The following AGBL4 variants were observed in gnomAD, a reference collection of about 807,000 sequenced individuals.
AGBL4 encodes the protein AGBL carboxypeptidase 4.
In AGBL4, 58 loss-of-function variants were observed where a neutral mutation model predicts 66.4. The ratio of observed to expected loss-of-function variants is 0.87; its 90% CI spans 0.71 to 1.09. The LOEUF is 1.09. AGBL4 is among the 50% of genes least tolerant of loss of function. The probability of loss-of-function intolerance (pLI) is 0.00; values close to 1 mark genes in which losing one functional copy is unlikely to be tolerated. For synonymous variants in AGBL4, 234 were observed against 222.9 expected, an observed-to-expected ratio of 1.05 and a Z score of -0.44; for missense variants, 579 against 631.0, an observed-to-expected ratio of 0.92 and a Z score of 0.88.
At chr1:49,494,425 C>T (rs1647343839) in intron 3 of AGBL4, among the ~76,000 whole-genome samples, 4 of 152,094 alleles carry the variant, frequency 2.6e-5, no homozygotes, top group African/African-American at 7.2e-5. Flanking sequence ...TCCCTCCCCT[C>T]TCCCCGCACC....
intron 5 of AGBL4, among the ~76,000 whole-genome samples, chr1:48,869,978 A>G (rs1033337404): frequency 2.0e-5 from 3 of 152,022 alleles, no homozygotes; most frequent in Admixed American, 6.6e-5. Context: ...CTAGTCCCCA[A>G]ATCCACAGAC....
chr1:48,585,504 G>A (rs1644804613), intron 11 of AGBL4: 2 of 152,294 alleles, frequency 1.3e-5, no homozygotes, highest in Non-Finnish European at 2.9e-5. Flanking sequence ...GGCATGAAGA[G>A]GGGCAATGTG....
intron 1 of AGBL4, among the ~76,000 whole-genome samples, chr1:49,937,150 C>T (rs1261400295): frequency 6.6e-6 from 1 of 151,830 alleles, no homozygotes; most frequent in East Asian, 1.9e-4. Flanking sequence ...GGAAGATCTA[C>T]CAAGCAAATG....
At chr1:49,226,021 G>A (rs1367419110) in intron 4 of AGBL4, among the ~76,000 whole-genome samples, 1 of 152,166 alleles carries the variant, frequency 6.6e-6, no homozygotes, top group Non-Finnish European at 1.5e-5. Flanking sequence ...TTAAGGATGA[G>A]GAAACTGAGG....
chr1:49,637,669 T>G (rs556254009), intron 3 of AGBL4, among the ~76,000 whole-genome samples: 20 of 152,154 alleles, frequency 1.3e-4, no homozygotes, highest in African/African-American at 3.9e-4. Flanking sequence ...ATTAAAAAAT[T>G]AAAAAGTAGT....
At position 48,785,604 on chromosome 1, in the gene AGBL4, GA is replaced by G. The variant is rs558873548; in HGVS notation, c.634+81586del. ...GGAGAGAACAAAATGGAAATAAATA[GA>G]AAAATGATGTACACAGAAGAAAAAT... On this transcript the variant is annotated intron_variant, in intron 6 of 13. Transcript: ENST00000371839. Among the ~76,000 whole-genome samples, 420 of 152,264 alleles carry G rather than the reference GA, an allele frequency of 2.8e-3. 2 individuals carry two copies. The highest frequency in any genetic ancestry group is 9.8e-3 in the African/African-American group (408 of 41,550).
intron 6 of AGBL4, among the ~76,000 whole-genome samples, chr1:48,665,113 G>A (rs780760379): frequency 1.3e-5 from 2 of 152,222 alleles, no homozygotes; most frequent in African/African-American, 4.8e-5. Context: ...GGGATGATCA[G>A]TATGGGTGGA....
rs532016821 is a variant in AGBL4, at chr1:48,603,552, G to C, written c.952-12567C>G. On this transcript the variant is annotated intron_variant, in intron 9 of 13. Transcript: ENST00000371839. ...GGGGGTGAGGAAACAGACTAGAGAGGCTTCCAAAGACCCTTACATGGAAGG... is the reference window on the plus strand; with the variant it reads ...GGGGGTGAGGAAACAGACTAGAGAGCCTTCCAAAGACCCTTACATGGAAGG... Among the ~76,000 whole-genome samples the C allele has an allele frequency of 9.9e-4, 150 of 152,190 alleles. 10 individuals are homozygous for C. The East Asian group carries it at 0.027, about 28-fold the overall frequency.
intron 3 of AGBL4, among the ~76,000 whole-genome samples, chr1:49,435,176 T>C (rs1645876111): frequency 6.6e-6 from 1 of 152,232 alleles, no homozygotes; most frequent in Non-Finnish European, 1.5e-5. Flanking sequence ...TTACTTAATG[T>C]ATGTCTTTTC....
intron 6 of AGBL4, among the ~76,000 whole-genome samples, chr1:48,815,279 TCAAA>T (rs1476742446): frequency 6.6e-6 from 1 of 152,216 alleles, no homozygotes; most frequent in Admixed American, 6.5e-5. Context: ...GGTGAATTTT[TCAAA>T]CAAACAGGTA....
chr1:49,795,565 A>G (rs1571583671), intron 2 of AGBL4, among the ~76,000 whole-genome samples: 1 of 151,990 alleles, frequency 6.6e-6, no homozygotes, highest in South Asian at 2.1e-4. Context: ...ATGCATTTTC[A>G]TAAGCACCCA....
chr1:48,728,468 A>T (rs1340308258), intron 6 of AGBL4, among the ~76,000 whole-genome samples: 1 of 140,236 alleles, frequency 7.1e-6, no homozygotes, highest in Non-Finnish European at 1.5e-5. Context: ...TGCCCACTCT[A>T]TCATTCTGAC....
intron 3 of AGBL4, among the ~76,000 whole-genome samples, chr1:49,381,859 G>C (rs188426389): frequency 3.8e-5 from 5 of 130,430 alleles, no homozygotes; most frequent in Non-Finnish European, 8.1e-5. Context: ...GGTGGGGGAA[G>C]GGGGGAGGGA....
chr1:49,500,220 ATTAT>A (rs1217579934), intron 3 of AGBL4, among the ~76,000 whole-genome samples: 1 of 151,110 alleles, frequency 6.6e-6, no homozygotes, highest in Non-Finnish European at 1.5e-5. Flanking sequence ...TTTTGATGGG[ATTAT>A]TTGTTTTCTT....
chr1:49,667,683 AC>A (rs896947954), intron 3 of AGBL4, among the ~76,000 whole-genome samples: 2 of 152,170 alleles, frequency 1.3e-5, no homozygotes, highest in African/African-American at 4.8e-5. Flanking sequence ...ATAGAAAACA[AC>A]CCCATACTAA....
At chr1:49,973,824 C>G (rs1467000103) in intron 1 of AGBL4, among the ~76,000 whole-genome samples, 1 of 151,044 alleles carries the variant, frequency 6.6e-6, no homozygotes, top group Admixed American at 6.6e-5. Context: ...TTTAGTGATA[C>G]TTTAACATGA....
chr1:49,914,728 C>A (rs1571860194), intron 1 of AGBL4, among the ~76,000 whole-genome samples: 1 of 152,312 alleles, frequency 6.6e-6, no homozygotes, highest in South Asian at 2.1e-4. Flanking sequence ...TCATTTTCTG[C>A]TGCTATAACA....
chr1:48,790,505 A>G (rs1422327194), intron 6 of AGBL4, among the ~76,000 whole-genome samples: 1 of 152,212 alleles, frequency 6.6e-6, no homozygotes. Context: ...GAGGAAACCA[A>G]GACTAGTGAC....
chr1:48,795,039 T>C (rs1429595900), intron 6 of AGBL4, among the ~76,000 whole-genome samples: 1 of 152,200 alleles, frequency 6.6e-6, no homozygotes, highest in African/African-American at 2.4e-5. Context: ...TCCTCTCACC[T>C]CTTAGTCATC....
Sources: gnomAD v4.1 joint callset for allele counts (sites outside exome capture counted in the v4.1 genomes callset) on GRCh38, gnomAD v4.1.1 for gene constraint, MANE v1.5 for transcripts, NCBI Gene and HGNC (gene_info 2026-07-23, HGNC 2026-07-21) for gene names.